TMEM132B: variants seen among roughly 807,000 people sequenced by gnomAD.
TMEM132B encodes the protein transmembrane protein 132B.
TMEM132B carries 18 observed loss-of-function variants against 90.8 expected under a neutral mutation model. The observed-to-expected ratio is 0.20, with a 90% CI of 0.14 to 0.29. The LOEUF (loss-of-function observed/expected upper bound fraction) is 0.29, where lower values mean the gene tolerates loss of function less well. Ranked by LOEUF, TMEM132B falls within the 10% of genes least tolerant of loss-of-function variation. The probability of loss-of-function intolerance (pLI) is 1.00; values close to 1 mark genes in which losing one functional copy is unlikely to be tolerated. For synonymous variants in TMEM132B, 504 were observed against 523.3 expected, an observed-to-expected ratio of 0.96 and a Z score of 0.50; for missense variants, 1,096 against 1,326.8, an observed-to-expected ratio of 0.83 and a Z score of 2.70.
chr12:125,276,567 G>A (rs1273083184), intron 1 of TMEM132B, among the ~76,000 whole-genome samples: 1 of 152,222 alleles, frequency 6.6e-6, no homozygotes, highest in Non-Finnish European at 1.5e-5. Context: ...AATGGCTGGA[G>A]TGGAGTTGGG....
At chr12:125,347,834 C>A (rs951262741) in intron 1 of TMEM132B, among the ~76,000 whole-genome samples, 1 of 152,152 alleles carries the variant, frequency 6.6e-6, no homozygotes, top group African/African-American at 2.4e-5. Context: ...CTGTGTTTTC[C>A]CATTTGAAAG....
At chr12:125,414,487 C>A (rs1879950637) in intron 2 of TMEM132B, among the ~76,000 whole-genome samples, 1 of 152,090 alleles carries the variant, frequency 6.6e-6, no homozygotes, top group Non-Finnish European at 1.5e-5. Context: ...CCTTTGATAT[C>A]CCTTTTTTGT....
chr12:125,528,990 C>T (rs1883570528), intron 4 of TMEM132B, among the ~76,000 whole-genome samples: 1 of 139,394 alleles, frequency 7.2e-6, no homozygotes, highest in African/African-American at 2.6e-5. Context: ...TCCCCCTCCT[C>T]CTTTCTCCTT....
At chr12:125,451,865 C>G (rs1400198982) in intron 3 of TMEM132B, among the ~76,000 whole-genome samples, 1 of 152,234 alleles carries the variant, frequency 6.6e-6, no homozygotes, top group African/African-American at 2.4e-5. Context: ...GGAAAAAACT[C>G]AGATCACTTT....
chr12:125,310,831 G>T (rs1876105996), intron 1 of TMEM132B, among the ~76,000 whole-genome samples: 1 of 152,176 alleles, frequency 6.6e-6, no homozygotes, highest in Non-Finnish European at 1.5e-5. Context: ...TCTGCTAACG[G>T]GTGTGTCGAT....
At chr12:125,563,631 A>G (rs1190122995) in intron 4 of TMEM132B, among the ~76,000 whole-genome samples, 4 of 152,034 alleles carry the variant, frequency 2.6e-5, no homozygotes, top group South Asian at 2.1e-4. Flanking sequence ...GTGAGGTGCA[A>G]TAAGGTGAAG....
At chr12:125,274,783 C>T (rs1281165804) in intron 1 of TMEM132B, among the ~76,000 whole-genome samples, 2 of 151,984 alleles carry the variant, frequency 1.3e-5, no homozygotes, top group African/African-American at 2.4e-5. Flanking sequence ...CTAGCTATGC[C>T]GTCTCTGATA....
chr12:125,547,732 C>T (rs900289573), intron 4 of TMEM132B, among the ~76,000 whole-genome samples: 6 of 152,152 alleles, frequency 3.9e-5, no homozygotes, highest in African/African-American at 1.4e-4. Context: ...TCCAGGGTTA[C>T]TCAGTACAAG....
intron 2 of TMEM132B, among the ~76,000 whole-genome samples, chr12:125,371,009 G>C (rs1441292832): frequency 6.6e-6 from 1 of 152,200 alleles, no homozygotes; most frequent in Non-Finnish European, 1.5e-5. Context: ...GGAAGCTGAT[G>C]GTGCAGCCTT....
chr12:125,520,041 A>C (rs1883269394), intron 4 of TMEM132B, among the ~76,000 whole-genome samples: 2 of 151,882 alleles, frequency 1.3e-5, no homozygotes, highest in South Asian at 4.1e-4. Flanking sequence ...GGATTGGAAA[A>C]CTCTAAAATG....
intron 5 of TMEM132B, among the ~76,000 whole-genome samples, chr12:125,631,655 T>G (rs1339455871): frequency 1.3e-5 from 2 of 152,166 alleles, no homozygotes; most frequent in Non-Finnish European, 2.9e-5. Flanking sequence ...GCTTTATATA[T>G]CTGAGTGCTC....
intron 2 of TMEM132B, among the ~76,000 whole-genome samples, chr12:125,360,136 A>G (rs1391959550): frequency 6.6e-6 from 1 of 152,196 alleles, no homozygotes; most frequent in Non-Finnish European, 1.5e-5. Context: ...GAGTCACTAC[A>G]TTTTTTAACA....
Position 125,445,777 on chromosome 12 carries a change from G to A in TMEM132B, c.1106+30100G>A, listed in dbSNP as rs1369985661. Among the ~76,000 whole-genome samples, 2 of 152,140 alleles carry A rather than the reference G, an allele frequency of 1.3e-5. No individual in the cohort carries two copies. The highest frequency in any genetic ancestry group is 4.8e-5 in the African/African-American group (2 of 41,420). On this transcript the variant is annotated intron_variant, in intron 3 of 8. Transcript: ENST00000682704. The surrounding 1 kb of genome is among the most constrained non-coding windows in gnomAD (Gnocchi z 4.3). ...TGCTTACCCCACCAGCCTGCACCGC[G>A]GAGAGTTGGCTCCTTTGACTTGGAG...
At chr12:125,541,051 A>T (rs1883941489) in intron 4 of TMEM132B, among the ~76,000 whole-genome samples, 1 of 152,162 alleles carries the variant, frequency 6.6e-6, no homozygotes, top group African/African-American at 2.4e-5. Context: ...AGATGTCTAC[A>T]AGACTCATGC....
At chr12:125,366,365 A>G (rs1419360947) in intron 2 of TMEM132B, among the ~76,000 whole-genome samples, 1 of 152,144 alleles carries the variant, frequency 6.6e-6, no homozygotes, top group East Asian at 1.9e-4. Flanking sequence ...CTTTGATATG[A>G]TGATTACCCA....
Position 125,661,655 on chromosome 12 carries a change from C to A in TMEM132B, c.*6945C>A, listed in dbSNP as rs553252136. ...CCAAGAACAAAACCAATTGTCCAAC[C>A]TCCATTACAGGGGTCTTCTAGGTAT... On this transcript the variant is annotated 3_prime_UTR_variant, in exon 9 of 9. Coordinates refer to ENST00000682704, the MANE Select transcript of TMEM132B (RefSeq NM_001366854.1). The A allele has an allele frequency of 6.6e-6, 1 of 152,176 alleles. No individual in the cohort carries two copies. Among genetic ancestry groups the A allele is most frequent in the Admixed American group, 6.5e-5 (1 of 15,276 alleles). The allele number at this position is 152,176 out of a possible 1,614,324, so 9.4% of individuals were successfully genotyped here.
intron 1 of TMEM132B, among the ~76,000 whole-genome samples, chr12:125,339,409 A>T (rs1387655624): frequency 1.3e-5 from 2 of 151,994 alleles, no homozygotes; most frequent in Admixed American, 6.6e-5. Flanking sequence ...TGAGGACGCC[A>T]GTCCAATTGA....
chr12:125,550,148 G>A (rs995765615), intron 4 of TMEM132B, among the ~76,000 whole-genome samples: 3 of 152,312 alleles, frequency 2.0e-5, no homozygotes, highest in Middle Eastern at 3.4e-3. Flanking sequence ...GGGCCATCCA[G>A]TGAGTTTGAC....
chr12:125,647,706 A>G (rs1886800412), intron 6 of TMEM132B, among the ~76,000 whole-genome samples: 2 of 152,302 alleles, frequency 1.3e-5, no homozygotes, highest in East Asian at 1.9e-4. Context: ...AGAAAAAATT[A>G]TAATGGAAAA....
Sources: allele counts gnomAD v4.1 joint callset (sites outside exome capture counted in the v4.1 genomes callset), GRCh38; gene constraint gnomAD v4.1.1; non-coding constraint Gnocchi (gnomAD v3.1); transcripts MANE v1.5; gene names NCBI Gene and HGNC (gene_info 2026-07-23, HGNC 2026-07-21).